Variants in PLSCR5 observed in about 807,000 individuals in gnomAD.
PLSCR5 encodes phospholipid scramblase family member 5.
A neutral mutation model predicts 33.6 loss-of-function variants in PLSCR5; 44 were observed. The observed-to-expected ratio is 1.31, with a 90% CI of 1.03 to 1.69. The LOEUF is 1.69. PLSCR5 is among the 40% of genes most tolerant of loss of function. PLSCR5 has a pLI of 0.00. For synonymous variants in PLSCR5, 148 were observed against 112.3 expected, an observed-to-expected ratio of 1.32 and a Z score of -2.01; for missense variants, 375 against 318.7, an observed-to-expected ratio of 1.18 and a Z score of -1.34.
At chr3:146,591,599 C>A (rs913371582) in intron 5 of PLSCR5, 121 bp downstream of exon 5, 1 of 1,133,904 alleles carries the variant, frequency 8.8e-7, no homozygotes, top group Non-Finnish European at 1.3e-6. Flanking sequence ...CATTATATTA[C>A]AAATATGTCA....
Position 146,593,991 on chromosome 3 carries a change from C to T in PLSCR5, c.382G>A (p.Gly128Ser). Reference sequence around the variant, plus strand: ...CTGTTCACTGTAATGACCTCTCGACCTGAGTTATCTGTGATCCTCAGGGTG... The same window carrying T: ...CTGTTCACTGTAATGACCTCTCGACTTGAGTTATCTGTGATCCTCAGGGTG... ...SCTLRITDNSGREVITVNRPL... is the reference protein window; with the variant it reads ...SCTLRITDNSSREVITVNRPL... Residue 128 changes from glycine (G) to serine (S), a missense_variant, in exon 4 of 8, where the codon GGT (glycine) becomes AGT (serine). Coordinates refer to ENST00000443512, the MANE Select transcript of PLSCR5 (RefSeq NM_001085420.2). 6.2e-7 allele frequency: 1 copy of T among 1,613,810 alleles called. No individual in the cohort carries two copies. Among genetic ancestry groups the T allele is most frequent in the Non-Finnish European group, 8.5e-7 (1 of 1,179,814 alleles).
chr3:146,586,757 A>G (rs945241442), intron 6 of PLSCR5, among the ~76,000 whole-genome samples: 3 of 152,190 alleles, frequency 2.0e-5, no homozygotes, highest in Admixed American at 6.6e-5. Flanking sequence ...TGTGATTTAG[A>G]TTTGTATTTA....
chr3:146,604,563 A>G (rs1484695232), intron 1 of PLSCR5, among the ~76,000 whole-genome samples: 1 of 152,076 alleles, frequency 6.6e-6, no homozygotes, highest in Non-Finnish European at 1.5e-5. Flanking sequence ...ATAATAACGC[A>G]TGTCAGATTC....
chr3:146,590,043 T>C (rs76184152), intron 5 of PLSCR5: 19 of 318,746 alleles, frequency 6.0e-5, no homozygotes, highest in Non-Finnish European at 9.1e-5. Flanking sequence ...ATCATAATTC[T>C]TTTTCTTTTT....
chr3:146,582,762 G>A (rs2044640985), downstream of PLSCR5, among the ~76,000 whole-genome samples: 1 of 152,184 alleles, frequency 6.6e-6, no homozygotes, highest in African/African-American at 2.4e-5. Context: ...CTGCTAAGAT[G>A]TAGGTGTAAT....
At chr3:146,603,063 G>T (rs1445061451) in intron 1 of PLSCR5, among the ~76,000 whole-genome samples, 3 of 152,074 alleles carry the variant, frequency 2.0e-5, no homozygotes, top group Non-Finnish European at 2.9e-5. Flanking sequence ...CTCTTAAATT[G>T]TGTTAATTTC....
chr3:146,602,301 C>T (rs1268276145), intron 1 of PLSCR5, among the ~76,000 whole-genome samples: 3 of 152,060 alleles, frequency 2.0e-5, no homozygotes, highest in Non-Finnish European at 4.4e-5. Flanking sequence ...ATTAATATAA[C>T]AATAATGATG....
intron 5 of PLSCR5, 162 bp from the exon 6 acceptor site, chr3:146,589,976 A>G: frequency 4.4e-6 from 2 of 455,926 alleles, no homozygotes; most frequent in Non-Finnish European, 7.2e-6. Flanking sequence ...AGGTTTGTAA[A>G]TTTAGCTTTT....
intron 7 of PLSCR5, among the ~76,000 whole-genome samples, chr3:146,580,753 G>C (rs1225480780): frequency 6.6e-6 from 1 of 152,076 alleles, no homozygotes; most frequent in Admixed American, 6.6e-5. Context: ...GTGAGCCACC[G>C]CGCCTGCCCC....
At chr3:146,602,389 T>C (rs1033765402) in intron 1 of PLSCR5, among the ~76,000 whole-genome samples, 9 of 152,108 alleles carry the variant, frequency 5.9e-5, no homozygotes, top group South Asian at 2.1e-4. Flanking sequence ...CAGAAAAACA[T>C]AGAAGCAAAA....
chr3:146,581,067 C>T (rs2044630160), downstream of PLSCR5, among the ~76,000 whole-genome samples: 1 of 152,178 alleles, frequency 6.6e-6, no homozygotes, highest in African/African-American at 2.4e-5. Flanking sequence ...ATCTTCTTTA[C>T]ATGATTTCTG....
intron 2 of PLSCR5, among the ~76,000 whole-genome samples, chr3:146,596,013 G>A (rs892603473): frequency 6.6e-6 from 1 of 151,968 alleles, no homozygotes; most frequent in Non-Finnish European, 1.5e-5. Context: ...TAAATGTTAT[G>A]GCACTAAATA....
chr3:146,590,707 A>G (rs2044706271), intron 5 of PLSCR5, among the ~76,000 whole-genome samples: 1 of 152,114 alleles, frequency 6.6e-6, no homozygotes, highest in Non-Finnish European at 1.5e-5. Context: ...AAGTCATGCC[A>G]AATCCTTTGG....
At position 146,585,841 on chromosome 3, in the gene PLSCR5, C is replaced by T. The variant is rs2044661669; in HGVS notation, c.*146G>A. The T allele has an allele frequency of 3.1e-6, 1 of 327,654 alleles. No individual in the cohort carries two copies. Among genetic ancestry groups the T allele is most frequent in the Non-Finnish European group, 5.4e-6 (1 of 184,426 alleles). The allele number at this position is 327,654 out of a possible 1,614,324, so 20.3% of individuals were successfully genotyped here. ...CATGCATTCACAACTAGATAATTGC[C>T]TCATTAAACTGTTTTAATAAATATA... On this transcript the variant is annotated 3_prime_UTR_variant, in exon 8 of 8. Transcript: ENST00000443512.
Position 146,600,277 on chromosome 3 carries a change from G to A in PLSCR5, c.189+11C>T. 6.5e-7 allele frequency: 1 copy of A among 1,540,126 alleles called. No homozygotes were observed. Among genetic ancestry groups the A allele is most frequent in the Non-Finnish European group, 8.8e-7 (1 of 1,139,178 alleles). ...TAGAACATATCTGTAGTAATAGAAA[G>A]ATAAAAACACCTGGCTTAAATATTC... On this transcript the variant is annotated intron_variant, in intron 2 of 7. Transcript: ENST00000443512.
chr3:146,579,026 T>C (rs2044616722), intron 7 of PLSCR5, among the ~76,000 whole-genome samples: 2 of 152,170 alleles, frequency 1.3e-5, no homozygotes, highest in Middle Eastern at 3.4e-3. Context: ...AATTATTCAA[T>C]TCAAATTATT....
At chr3:146,576,988 C>CT (rs199869697) in intron 7 of PLSCR5, among the ~76,000 whole-genome samples, 9,317 of 151,644 alleles carry the variant, frequency 0.061, 290 homozygotes, top group African/African-American at 0.081. Flanking sequence ...AATTACTAGT[C>CT]TTTTTTTAAA....
chr3:146,600,247 A>G, intron 2 of PLSCR5, 41 bp downstream of exon 2: 1 of 1,265,522 alleles, frequency 7.9e-7, no homozygotes, highest in Non-Finnish European at 1.0e-6. Flanking sequence ...TATTAATTTT[A>G]AGGGTAGAAC....
chr3:146,596,128 C>T (rs1266859518), intron 2 of PLSCR5, among the ~76,000 whole-genome samples: 3 of 152,114 alleles, frequency 2.0e-5, no homozygotes, highest in African/African-American at 7.2e-5. Context: ...ATCTGTAATG[C>T]AAATTGCTTT....
Sources: gnomAD v4.1 joint callset for allele counts (sites outside exome capture counted in the v4.1 genomes callset) on GRCh38, gnomAD v4.1.1 for gene constraint, MANE v1.5 for transcripts, NCBI Gene and HGNC (gene_info 2026-07-23, HGNC 2026-07-21) for gene names.